Variants in ST8SIA1 observed in about 807,000 individuals in gnomAD.
ST8SIA1 encodes the protein alpha-N-acetylneuraminide alpha-2,8-sialyltransferase.
A neutral mutation model predicts 35.9 loss-of-function variants in ST8SIA1; 16 were observed. The observed-to-expected ratio is 0.45, with a 90% confidence interval of 0.30 to 0.68. ST8SIA1 has a LOEUF of 0.68. Ranked by LOEUF, ST8SIA1 falls within the 30% of genes least tolerant of loss-of-function variation. The pLI is 0.09. For synonymous variants in ST8SIA1, 170 were observed against 169.6 expected (o/e 1.00, Z -0.02); for missense variants, 383 against 453.6 (o/e 0.84, Z 1.41).
chr12:22,212,502 GT>G (rs1284143500), intron 4 of ST8SIA1, among the ~76,000 whole-genome samples: 2 of 152,170 alleles, frequency 1.3e-5, no homozygotes, highest in African/African-American at 4.8e-5. Flanking sequence ...TTATGGGTGT[GT>G]TTCTTCCACA....
intron 1 of ST8SIA1, among the ~76,000 whole-genome samples, chr12:22,316,347 C>T (rs1866519655): frequency 6.6e-6 from 1 of 151,878 alleles, no homozygotes; most frequent in African/African-American, 2.4e-5. Flanking sequence ...TGAAATAGAC[C>T]CACACATATT....
intron 3 of ST8SIA1, 109 bp from the exon 4 acceptor site, chr12:22,249,207 TG>T: frequency 6.9e-6 from 5 of 725,850 alleles, no homozygotes; most frequent in South Asian, 1.8e-5. Context: ...CACGAGTAAC[TG>T]TTTTGTTTTT....
At chr12:22,302,161 T>A (rs907075779) in intron 1 of ST8SIA1, among the ~76,000 whole-genome samples, 1 of 152,176 alleles carries the variant, frequency 6.6e-6, no homozygotes, top group African/African-American at 2.4e-5. Flanking sequence ...ATTTTTATTA[T>A]TTTCTAAGTT....
At chr12:22,204,509 A>T (rs550577577) in intron 4 of ST8SIA1, among the ~76,000 whole-genome samples, 1 of 152,082 alleles carries the variant, frequency 6.6e-6, no homozygotes, top group South Asian at 2.1e-4. Context: ...TCCTGTACAG[A>T]ATGGCTCCCA....
intron 2 of ST8SIA1, among the ~76,000 whole-genome samples, chr12:22,270,885 T>A (rs1054661246): frequency 3.9e-5 from 6 of 152,212 alleles, no homozygotes; most frequent in African/African-American, 1.4e-4. Flanking sequence ...ACAGTTGACA[T>A]TAATTGCTTT....
intron 4 of ST8SIA1, among the ~76,000 whole-genome samples, chr12:22,225,922 C>T (rs748673302): frequency 9.3e-4 from 141 of 152,266 alleles, no homozygotes; most frequent in Non-Finnish European, 1.6e-3. Flanking sequence ...GGCACTTACA[C>T]CATGTATATC....
chr12:22,205,522 A>G (rs943240061), intron 4 of ST8SIA1, among the ~76,000 whole-genome samples: 2 of 152,206 alleles, frequency 1.3e-5, no homozygotes, highest in Non-Finnish European at 2.9e-5. Flanking sequence ...ATTACTTAAT[A>G]AACAATATTG....
intron 4 of ST8SIA1, among the ~76,000 whole-genome samples, chr12:22,216,358 G>A (rs113481397): frequency 5.9e-5 from 9 of 152,146 alleles, no homozygotes; most frequent in African/African-American, 1.7e-4. Flanking sequence ...GCCACTGCTC[G>A]TCAGCACTCC....
intron 2 of ST8SIA1, among the ~76,000 whole-genome samples, chr12:22,262,461 G>A (rs1413410440): frequency 6.6e-6 from 1 of 152,088 alleles, no homozygotes; most frequent in East Asian, 1.9e-4. Context: ...AGCAGAGCCG[G>A]CACTGACCTC....
At chr12:22,249,152 A>G in intron 3 of ST8SIA1, 54 bp from the exon 4 acceptor site, 1 of 1,128,382 alleles carries the variant, frequency 8.9e-7, no homozygotes, top group East Asian at 2.4e-5. Context: ...TTAAATCATC[A>G]GTTAGAATAA....
intron 1 of ST8SIA1, among the ~76,000 whole-genome samples, chr12:22,315,895 T>C (rs1216602137): frequency 1.3e-5 from 2 of 152,010 alleles, no homozygotes; most frequent in Non-Finnish European, 2.9e-5. Context: ...ACTTAGATGA[T>C]GGGTTGATAG....
intron 4 of ST8SIA1, among the ~76,000 whole-genome samples, chr12:22,213,119 A>G (rs1865192626): frequency 6.6e-6 from 1 of 152,156 alleles, no homozygotes; most frequent in African/African-American, 2.4e-5. Context: ...GACTCGGGAC[A>G]TGAAGATAGT....
chr12:22,303,107 C>G (rs1866337960), intron 1 of ST8SIA1, among the ~76,000 whole-genome samples: 1 of 152,142 alleles, frequency 6.6e-6, no homozygotes. Flanking sequence ...CTCAGATATT[C>G]AGGGTTCACA....
chr12:22,234,622 AC>A (rs1865456048), intron 4 of ST8SIA1, among the ~76,000 whole-genome samples: 1 of 152,180 alleles, frequency 6.6e-6, no homozygotes, highest in Non-Finnish European at 1.5e-5. Context: ...ATCTTTATAC[AC>A]AATAGATATT....
At chr12:22,273,166 C>G (rs979980185) in intron 2 of ST8SIA1, among the ~76,000 whole-genome samples, 4 of 152,190 alleles carry the variant, frequency 2.6e-5, no homozygotes, top group African/African-American at 9.6e-5. Context: ...AAGTTGCAGA[C>G]AGTTTAAAGC....
At chr12:22,225,716 T>G (rs958577653) in intron 4 of ST8SIA1, among the ~76,000 whole-genome samples, 5 of 152,196 alleles carry the variant, frequency 3.3e-5, no homozygotes, top group Admixed American at 3.3e-4. Context: ...TATTTCAGCG[T>G]TCACCCCATA....
At chr12:22,242,761 C>T (rs1380307333) in intron 4 of ST8SIA1, among the ~76,000 whole-genome samples, 2 of 152,102 alleles carry the variant, frequency 1.3e-5, no homozygotes, top group African/African-American at 2.4e-5. Flanking sequence ...CTCTGCCTTC[C>T]ACCTGCAAAG....
chr12:22,264,797 T>C (rs1865828715), intron 2 of ST8SIA1, among the ~76,000 whole-genome samples: 1 of 152,192 alleles, frequency 6.6e-6, no homozygotes, highest in Non-Finnish European at 1.5e-5. Context: ...AAAACAAATT[T>C]CCAGAAAGCT....
chr12:22,297,773 C>T (rs1477707015), intron 1 of ST8SIA1, among the ~76,000 whole-genome samples: 1 of 152,046 alleles, frequency 6.6e-6, no homozygotes, highest in African/African-American at 2.4e-5. Flanking sequence ...TCTTTGACCC[C>T]GTTTCCTGGC....
Sources: allele counts gnomAD v4.1 joint callset (sites outside exome capture counted in the v4.1 genomes callset), GRCh38; gene constraint gnomAD v4.1.1; transcripts MANE v1.5; gene names NCBI Gene and HGNC (gene_info 2026-07-23, HGNC 2026-07-21).